OPCML: variants seen among roughly 807,000 people sequenced by gnomAD.
OPCML encodes opioid-binding protein/cell adhesion molecule.
OPCML carries 13 observed loss-of-function variants against 37.8 expected under a neutral mutation model. That is an observed-to-expected ratio of 0.34 (90% CI 0.22 to 0.55). The LOEUF is 0.55. Among genes scored for constraint, OPCML ranks in the 20% least tolerant of loss-of-function variants. OPCML has a pLI of 0.91. For missense variants in OPCML, 341 were observed against 435.6 expected (o/e 0.78, Z 1.93); for synonymous variants, 176 against 168.8 (o/e 1.04, Z -0.33).
intron 4 of OPCML, among the ~76,000 whole-genome samples, chr11:132,488,838 T>C (rs773274990): frequency 5.9e-5 from 9 of 152,210 alleles, no homozygotes; most frequent in African/African-American, 9.7e-5. Context: ...ACTTTGTCCA[T>C]CTTAATGAAA....
chr11:133,329,939 T>A (rs1334721651), intron 1 of OPCML, among the ~76,000 whole-genome samples: 1 of 152,136 alleles, frequency 6.6e-6, no homozygotes, highest in African/African-American at 2.4e-5. Flanking sequence ...AACCTACTCA[T>A]CTGACAAAGG....
chr11:132,741,616 C>T (rs1425649740), intron 2 of OPCML, among the ~76,000 whole-genome samples: 2 of 152,130 alleles, frequency 1.3e-5, no homozygotes, highest in Non-Finnish European at 2.9e-5. Flanking sequence ...ATCCATATAA[C>T]TTAAGTCCTT....
chr11:132,874,626 A>T (rs952642683), intron 2 of OPCML, among the ~76,000 whole-genome samples: 1 of 152,178 alleles, frequency 6.6e-6, no homozygotes, highest in African/African-American at 2.4e-5. Context: ...GAGGAAACAT[A>T]GTTGTTACCA....
chr11:132,568,046 G>A (rs573023787), intron 3 of OPCML, among the ~76,000 whole-genome samples: 42 of 146,400 alleles, frequency 2.9e-4, no homozygotes, highest in African/African-American at 8.1e-4. Flanking sequence ...GTGTGTGCGC[G>A]CGCGCGCGTG....
At chr11:132,757,676 C>T (rs1946104347) in intron 2 of OPCML, among the ~76,000 whole-genome samples, 1 of 151,916 alleles carries the variant, frequency 6.6e-6, no homozygotes, top group South Asian at 2.1e-4. Flanking sequence ...TGTTTAAGTT[C>T]CTTGTAGATT....
chr11:132,788,826 C>T (rs1230642250), intron 2 of OPCML, among the ~76,000 whole-genome samples: 2 of 152,168 alleles, frequency 1.3e-5, no homozygotes, highest in African/African-American at 4.8e-5. Flanking sequence ...CGACATAGTC[C>T]AGGTTATATT....
chr11:133,113,985 C>T (rs899828821), intron 1 of OPCML, among the ~76,000 whole-genome samples: 11 of 152,310 alleles, frequency 7.2e-5, no homozygotes, highest in East Asian at 3.9e-4. Context: ...CTTGGGAAGA[C>T]GCTATGATTA....
intron 2 of OPCML, among the ~76,000 whole-genome samples, chr11:132,745,900 T>C (rs963330379): frequency 6.6e-6 from 1 of 152,082 alleles, no homozygotes; most frequent in Non-Finnish European, 1.5e-5. Context: ...CCTCCCAGCC[T>C]CTAAGAGATG....
intron 2 of OPCML, among the ~76,000 whole-genome samples, chr11:132,890,433 A>C (rs1435686246): frequency 6.6e-6 from 1 of 152,226 alleles, no homozygotes; most frequent in African/African-American, 2.4e-5. Context: ...GAAGAAGCAG[A>C]AGAGAAAAAT....
At chr11:133,082,097 C>T (rs994822721) in intron 1 of OPCML, among the ~76,000 whole-genome samples, 4 of 151,960 alleles carry the variant, frequency 2.6e-5, no homozygotes, top group African/African-American at 9.7e-5. Context: ...CCGGGGGTGA[C>T]CCGGGCCCAG....
chr11:133,437,719 C>G (rs1305442099), intron 1 of OPCML, among the ~76,000 whole-genome samples: 2 of 144,424 alleles, frequency 1.4e-5, no homozygotes, highest in South Asian at 4.8e-4. Flanking sequence ...CCCTCTCAAC[C>G]CCGCTCACCT....
chr11:133,014,065 T>C (rs940736868), intron 1 of OPCML, among the ~76,000 whole-genome samples: 10 of 152,218 alleles, frequency 6.6e-5, no homozygotes, highest in African/African-American at 2.4e-4. Context: ...TCTTATCTAC[T>C]GGAGATGATA....
chr11:133,277,232 A>G (rs1942019344), intron 1 of OPCML, among the ~76,000 whole-genome samples: 1 of 152,180 alleles, frequency 6.6e-6, no homozygotes, highest in Non-Finnish European at 1.5e-5. Context: ...CCCCTAACTC[A>G]GACAGCACAG....
At chr11:133,492,716 A>AAC (rs1244870037) in intron 1 of OPCML, among the ~76,000 whole-genome samples, 1 of 152,038 alleles carries the variant, frequency 6.6e-6, no homozygotes, top group Non-Finnish European at 1.5e-5. Flanking sequence ...TACTGCCAAA[A>AAC]AAAAAAAAAA....
chr11:132,441,170 T>TTTTTTTTTTTTTTG (rs2096032427), intron 4 of OPCML, among the ~76,000 whole-genome samples: 1 of 113,526 alleles, frequency 8.8e-6, no homozygotes, highest in African/African-American at 3.5e-5. Context: ...TTTTTGTTTT[T>TTTTTTTTTTTTTTG]TTTTTTTTTT....
At chr11:132,768,371 T>C (rs1946527679) in intron 2 of OPCML, among the ~76,000 whole-genome samples, 1 of 152,174 alleles carries the variant, frequency 6.6e-6, no homozygotes, top group African/African-American at 2.4e-5. Flanking sequence ...CAGTAGGACA[T>C]GGAGTGATTC....
At chr11:132,651,342 C>T (rs1941418841) in intron 3 of OPCML, among the ~76,000 whole-genome samples, 1 of 152,088 alleles carries the variant, frequency 6.6e-6, no homozygotes, top group Non-Finnish European at 1.5e-5. Context: ...AAAGGTGTGC[C>T]TTTCTATTCT....
At chr11:132,547,655 G>A (rs1489135436) in intron 3 of OPCML, among the ~76,000 whole-genome samples, 1 of 152,014 alleles carries the variant, frequency 6.6e-6, no homozygotes, top group Non-Finnish European at 1.5e-5. Flanking sequence ...TCATTTTATT[G>A]GAAGTTATTT....
chr11:133,428,071 T>C (rs1190309055), intron 1 of OPCML, among the ~76,000 whole-genome samples: 1 of 152,178 alleles, frequency 6.6e-6, no homozygotes, highest in Non-Finnish European at 1.5e-5. Context: ...CATTGAAACA[T>C]TAATAAATTA....
Sources: allele counts gnomAD v4.1 joint callset (sites outside exome capture counted in the v4.1 genomes callset), GRCh38; gene constraint gnomAD v4.1.1; transcripts MANE v1.5; gene names NCBI Gene and HGNC (gene_info 2026-07-23, HGNC 2026-07-21).